FGF14: variants seen among roughly 807,000 people sequenced by gnomAD.
The protein encoded by FGF14 is fibroblast growth factor 14, also known as fibroblast growth factor homologous factor 4.
FGF14 carries 5 observed loss-of-function variants against 25.5 expected under a neutral mutation model. The observed-to-expected ratio is 0.20, with a 90% CI of 0.10 to 0.41. The LOEUF (loss-of-function observed/expected upper bound fraction) is 0.41. Among genes scored for constraint, FGF14 ranks in the 10% least tolerant of loss-of-function variants. The probability of loss-of-function intolerance (pLI) is 1.00; values close to 1 mark genes in which losing one functional copy is unlikely to be tolerated. For missense variants in FGF14, 222 were observed against 320.1 expected (o/e 0.69, Z 2.34); for synonymous variants, 138 against 118.3 (o/e 1.17, Z -1.08).
chr13:101,933,363 C>A (rs190948870), intron 1 of FGF14, among the ~76,000 whole-genome samples: 45 of 152,082 alleles, frequency 3.0e-4, no homozygotes, highest in South Asian at 2.1e-4. Flanking sequence ...AAGAAGTTAT[C>A]CGGTACAAGA....
At chr13:101,764,398 A>T (rs555107937) in intron 3 of FGF14, among the ~76,000 whole-genome samples, 1 of 152,330 alleles carries the variant, frequency 6.6e-6, no homozygotes, top group South Asian at 2.1e-4. Flanking sequence ...AGTTAAGCAC[A>T]TGATTATCTG....
intron 3 of FGF14, among the ~76,000 whole-genome samples, chr13:101,860,981 T>C (rs1335722466): frequency 6.6e-6 from 1 of 152,120 alleles, no homozygotes; most frequent in African/African-American, 2.4e-5. Context: ...TGCTCTATTA[T>C]CCAGTATCCA....
At chr13:102,225,937 A>G (rs563878109) in intron 1 of FGF14, among the ~76,000 whole-genome samples, 1 of 152,302 alleles carries the variant, frequency 6.6e-6, no homozygotes, top group African/African-American at 2.4e-5. Flanking sequence ...GTGGCCGCAT[A>G]TTTATTCATT....
intron 1 of FGF14, among the ~76,000 whole-genome samples, chr13:102,095,607 T>A (rs1461009151): frequency 6.6e-6 from 1 of 152,180 alleles, no homozygotes; most frequent in Non-Finnish European, 1.5e-5. Context: ...CTGTCACCTA[T>A]AAGACAGCAA....
At chr13:102,296,797 C>A (rs2054735927) in intron 1 of FGF14, among the ~76,000 whole-genome samples, 1 of 152,096 alleles carries the variant, frequency 6.6e-6, no homozygotes, top group Non-Finnish European at 1.5e-5. Flanking sequence ...AGTGCTAAGA[C>A]AAAATTAAGT....
intron 3 of FGF14, among the ~76,000 whole-genome samples, chr13:101,858,575 C>T (rs554291147): frequency 5.3e-5 from 8 of 152,044 alleles, no homozygotes; most frequent in South Asian, 4.2e-4. Flanking sequence ...TTATTTTCAC[C>T]ATCTACCACC....
chr13:102,029,941 T>C (rs1595050203), intron 1 of FGF14, among the ~76,000 whole-genome samples: 2 of 152,208 alleles, frequency 1.3e-5, no homozygotes, highest in South Asian at 4.1e-4. Flanking sequence ...GAGAAATGAT[T>C]GTTCTTGTCT....
intron 1 of FGF14, among the ~76,000 whole-genome samples, chr13:102,344,990 G>A (rs879107404): frequency 6.6e-6 from 1 of 152,152 alleles, no homozygotes; most frequent in Admixed American, 6.5e-5. Flanking sequence ...ACATGAGGCT[G>A]GCTCACTCTC....
intron 1 of FGF14, among the ~76,000 whole-genome samples, chr13:102,376,611 C>T (rs2058046545): frequency 6.6e-6 from 1 of 152,160 alleles, no homozygotes; most frequent in Non-Finnish European, 1.5e-5. Flanking sequence ...AAGACATTTC[C>T]TTTCACCCAT....
At position 101,794,608 on chromosome 13, in the gene FGF14, G is replaced by C. The variant is rs558791168; in HGVS notation, c.409-67798C>G. Reference sequence around the variant, plus strand: ...CATCTTTGAGTCCCTTGGGGATTTAGTGCTACCTAGCAGCAGAGAATTAAA... The same window carrying C: ...CATCTTTGAGTCCCTTGGGGATTTACTGCTACCTAGCAGCAGAGAATTAAA... On this transcript the variant is annotated intron_variant, in intron 3 of 4. Transcript: ENST00000376143. 2.6e-5 allele frequency among the ~76,000 whole-genome samples: 4 copies of C among 152,194 alleles called. No individual in the cohort carries two copies. The South Asian group carries it at 8.3e-4, about 32-fold the overall frequency.
At chr13:102,270,743 G>T (rs2053206410) in intron 1 of FGF14, among the ~76,000 whole-genome samples, 1 of 151,978 alleles carries the variant, frequency 6.6e-6, no homozygotes, top group African/African-American at 2.4e-5. Context: ...TGTTCAAGCT[G>T]TTTGTCATTT....
chr13:102,309,668 T>C (rs994401273), intron 1 of FGF14, among the ~76,000 whole-genome samples: 1 of 152,204 alleles, frequency 6.6e-6, no homozygotes, highest in Non-Finnish European at 1.5e-5. Context: ...ATAAACAATA[T>C]GCTAAAATTA....
chr13:101,864,497 C>T lies in FGF14; in HGVS notation c.408+4228G>A, dbSNP rs7998728. 6.6e-3 allele frequency among the ~76,000 whole-genome samples: 1,011 copies of T among 152,202 alleles called. 9 individuals carry two copies. The highest frequency in any genetic ancestry group is 0.017 in the South Asian group (81 of 4,818). On this transcript the variant is annotated intron_variant, in intron 3 of 4. Coordinates refer to ENST00000376143, the MANE Select transcript of FGF14 (RefSeq NM_004115.4). ...GTGACCCTTACAAACTGTTGATTCT[C>T]GGGCCTCCCATTAGACCCACTGAAC...
intron 1 of FGF14, among the ~76,000 whole-genome samples, chr13:102,287,752 G>A (rs963007525): frequency 2.0e-5 from 3 of 152,144 alleles, no homozygotes; most frequent in African/African-American, 7.2e-5. Context: ...TTACTTCCAT[G>A]CTAAACCCCT....
chr13:102,334,606 T>C (rs938831951), intron 1 of FGF14, among the ~76,000 whole-genome samples: 2 of 152,138 alleles, frequency 1.3e-5, no homozygotes, highest in African/African-American at 4.8e-5. Context: ...TACAAAGAAA[T>C]GCCAATCACT....
chr13:102,189,807 T>G (rs992743489), intron 1 of FGF14, among the ~76,000 whole-genome samples: 2 of 152,126 alleles, frequency 1.3e-5, no homozygotes, highest in African/African-American at 4.8e-5. Flanking sequence ...CAATCATGGT[T>G]GAAGGCATAG....
At chr13:102,085,547 G>A (rs1398086012) in intron 1 of FGF14, among the ~76,000 whole-genome samples, 1 of 152,160 alleles carries the variant, frequency 6.6e-6, no homozygotes, top group Non-Finnish European at 1.5e-5. Flanking sequence ...CAGTGAGTAA[G>A]GCAATATTTA....
At position 102,156,524 on chromosome 13, in the gene FGF14, G is replaced by A. The variant is rs564704103; in HGVS notation, c.208+244947C>T. Among the ~76,000 whole-genome samples the A allele has an allele frequency of 2.0e-5, 3 of 152,256 alleles. No homozygotes were observed. In the South Asian group the frequency reaches 6.2e-4, roughly 32 times the overall value. ...TGGGACATATCTCAAAATCATAAGA[G>A]CTATTTATGACAAACCCACAGCCAA... is the stretch of plus-strand genomic sequence containing the variant. On this transcript the variant is annotated intron_variant, in intron 1 of 4. Transcript: ENST00000376131.
At position 102,004,488 on chromosome 13, in the gene FGF14, T is replaced by C. The variant is rs150646584; in HGVS notation, c.209-129192A>G. On this transcript the variant is annotated intron_variant, in intron 1 of 4. Coordinates refer to the FGF14 transcript ENST00000376131. ...TATTCTCTGTAGCAAAACAACCTGA[T>C]CTTTACTGGAATGTGTGAAAACTTT... Among the ~76,000 whole-genome samples, 14 of 152,266 alleles carry C rather than the reference T, an allele frequency of 9.2e-5. No homozygotes were observed. In the East Asian group the frequency reaches 2.5e-3, roughly 27 times the overall value.
Sources: gnomAD v4.1 joint callset for allele counts (sites outside exome capture counted in the v4.1 genomes callset) on GRCh38, gnomAD v4.1.1 for gene constraint, MANE v1.5 for transcripts, NCBI Gene and HGNC (gene_info 2026-07-23, HGNC 2026-07-21) for gene names.